DLGAP2: variants seen among roughly 807,000 people sequenced by gnomAD.
DLGAP2 encodes DLG associated protein 2, also known as disks large-associated protein 2.
Under a neutral mutation model 100.3 loss-of-function variants are expected in DLGAP2, and 26 were observed. The observed-to-expected ratio is 0.26, with a 90% CI of 0.19 to 0.36. DLGAP2 has a LOEUF of 0.36. Ranked by LOEUF, DLGAP2 falls within the 10% of genes least tolerant of loss-of-function variation. The pLI, the probability that DLGAP2 is intolerant of heterozygous loss-of-function variation, is 1.00. For missense variants in DLGAP2, 1,858 were observed against 1,453.2 expected, an observed-to-expected ratio of 1.28 and a Z score of -4.53; for synonymous variants, 886 against 630.1, an observed-to-expected ratio of 1.41 and a Z score of -6.08.
At chr8:1,439,231 G>C (rs889658107) in intron 3 of DLGAP2, among the ~76,000 whole-genome samples, 1 of 152,172 alleles carries the variant, frequency 6.6e-6, no homozygotes, top group Non-Finnish European at 1.5e-5. Flanking sequence ...CATGGTCACC[G>C]GCGCCAGGAC....
intron 2 of DLGAP2, among the ~76,000 whole-genome samples, chr8:1,208,155 G>A (rs1798032998): frequency 6.6e-6 from 1 of 152,094 alleles, no homozygotes; most frequent in Admixed American, 6.5e-5. Context: ...TGTCTAGAAG[G>A]GTTTTTCCAA....
At chr8:1,055,414 T>G (rs1171308082) in intron 2 of DLGAP2, among the ~76,000 whole-genome samples, 8 of 152,216 alleles carry the variant, frequency 5.3e-5, no homozygotes, top group Non-Finnish European at 1.0e-4. Flanking sequence ...AATATTAATG[T>G]AATAAGATAT....
chr8:993,787 CTTTTTTT>C (rs534659471), intron 2 of DLGAP2, among the ~76,000 whole-genome samples: 4 of 64,152 alleles, frequency 6.2e-5, no homozygotes, highest in Non-Finnish European at 1.1e-4. Flanking sequence ...AACTGATTGG[CTTTTTTT>C]TTTTTTTTTT....
At chr8:1,679,227 G>A (rs1322885396) in intron 12 of DLGAP2, among the ~76,000 whole-genome samples, 3 of 135,898 alleles carry the variant, frequency 2.2e-5, no homozygotes, top group African/African-American at 5.7e-5. Context: ...TCACTCCTGG[G>A]TGGAATGGGA....
At chr8:860,790 G>C (rs991164810) in intron 1 of DLGAP2, among the ~76,000 whole-genome samples, 1 of 152,230 alleles carries the variant, frequency 6.6e-6, no homozygotes, top group African/African-American at 2.4e-5. Context: ...TGTGCACCCT[G>C]TGTGGCGGGG....
At chr8:933,170 C>A (rs528736692) in intron 2 of DLGAP2, among the ~76,000 whole-genome samples, 1 of 152,354 alleles carries the variant, frequency 6.6e-6, no homozygotes, top group Admixed American at 6.5e-5. Flanking sequence ...TATGGGTGGT[C>A]GGGTTGTGAC....
At chr8:1,327,079 C>G (rs1041890674) in intron 3 of DLGAP2, among the ~76,000 whole-genome samples, 1 of 152,252 alleles carries the variant, frequency 6.6e-6, no homozygotes, top group African/African-American at 2.4e-5. Context: ...AGGCAGAGCC[C>G]TGGTTCCACG....
chr8:1,505,061 A>C (rs1799859338), intron 4 of DLGAP2, among the ~76,000 whole-genome samples: 1 of 152,228 alleles, frequency 6.6e-6, no homozygotes, highest in Admixed American at 6.5e-5. Flanking sequence ...TTATGTTCCC[A>C]ACACTATCAT....
At chr8:1,379,253 T>C (rs1796034560) in intron 3 of DLGAP2, among the ~76,000 whole-genome samples, 1 of 152,256 alleles carries the variant, frequency 6.6e-6, no homozygotes, top group South Asian at 2.1e-4. Context: ...GTGCCGGCTC[T>C]GTGCCAGGCA....
chr8:1,480,246 C>A (rs548756403), intron 3 of DLGAP2, among the ~76,000 whole-genome samples: 1 of 152,100 alleles, frequency 6.6e-6, no homozygotes, highest in South Asian at 2.1e-4. Flanking sequence ...CTCCAAAAGC[C>A]GGGTCTTGTT....
chr8:885,895 C>G (rs967879930), intron 1 of DLGAP2, among the ~76,000 whole-genome samples: 32 of 152,310 alleles, frequency 2.1e-4, no homozygotes, highest in Non-Finnish European at 4.6e-4. Context: ...GTTTTGGTAT[C>G]AGAATGATGC....
At chr8:840,910 T>C (rs900642170) in intron 1 of DLGAP2, among the ~76,000 whole-genome samples, 1 of 152,244 alleles carries the variant, frequency 6.6e-6, no homozygotes, top group African/African-American at 2.4e-5. Flanking sequence ...TTGTGTATTC[T>C]GTTTGGCAGG....
intron 1 of DLGAP2, among the ~76,000 whole-genome samples, chr8:800,673 C>T (rs1796130260): frequency 1.3e-5 from 2 of 151,810 alleles, no homozygotes; most frequent in African/African-American, 4.8e-5. Context: ...CATGTGTGTA[C>T]ATGTATGTGT....
intron 2 of DLGAP2, among the ~76,000 whole-genome samples, chr8:1,123,727 G>A (rs1796102106): frequency 6.6e-6 from 1 of 151,466 alleles, no homozygotes; most frequent in Non-Finnish European, 1.5e-5. Flanking sequence ...CAGTTCCTAG[G>A]TGTCTCTCCC....
chr8:1,586,880 G>T (rs558201548), intron 6 of DLGAP2, among the ~76,000 whole-genome samples: 3 of 152,312 alleles, frequency 2.0e-5, no homozygotes, highest in South Asian at 4.1e-4. Context: ...GGGATTTTCT[G>T]GGCATGTGGC....
chr8:1,309,223 G>C (rs1800558876), intron 3 of DLGAP2, among the ~76,000 whole-genome samples: 1 of 152,148 alleles, frequency 6.6e-6, no homozygotes, highest in East Asian at 1.9e-4. Context: ...CAAAATTTGA[G>C]GAAAGATGTG....
chr8:1,144,105 G>A (rs10046782), intron 2 of DLGAP2, among the ~76,000 whole-genome samples: 1 of 152,092 alleles, frequency 6.6e-6, no homozygotes, highest in Admixed American at 6.5e-5. Flanking sequence ...TGTGAGGAAT[G>A]ATATCGAGTA....
intron 3 of DLGAP2, among the ~76,000 whole-genome samples, chr8:1,442,763 G>A (rs577947781): frequency 2.0e-5 from 3 of 147,868 alleles, no homozygotes; most frequent in African/African-American, 7.9e-5. Context: ...TGGAGGAGAC[G>A]GATCCGGGCA....
intron 1 of DLGAP2, among the ~76,000 whole-genome samples, chr8:907,444 C>T (rs995003512): frequency 5.3e-5 from 8 of 152,216 alleles, no homozygotes; most frequent in Non-Finnish European, 1.5e-5. Context: ...AATGTAAATA[C>T]AGCCCTTACT....
Sources: allele counts gnomAD v4.1 joint callset (sites outside exome capture counted in the v4.1 genomes callset), GRCh38; gene constraint gnomAD v4.1.1; transcripts MANE v1.5; gene names NCBI Gene and HGNC (gene_info 2026-07-23, HGNC 2026-07-21).